RPS6KC1: variants seen among roughly 807,000 people sequenced by gnomAD.
RPS6KC1 encodes inactive ribosomal protein S6 kinase delta-1.
A neutral mutation model predicts 103.8 loss-of-function variants in RPS6KC1; 54 were observed. That is an observed-to-expected ratio of 0.52 (90% CI 0.42 to 0.65). The LOEUF is 0.65. RPS6KC1 is among the 30% of genes least tolerant of loss of function. The pLI, the probability that RPS6KC1 is intolerant of heterozygous loss-of-function variation, is 0.00. For missense variants in RPS6KC1, 1,151 were observed against 1,253.8 expected (o/e 0.92, Z 1.24); for synonymous variants, 439 against 438.7 (o/e 1.00, Z -0.01).
chr1:213,471,483 T>A, the RPS6KC1 span, among the ~76,000 whole-genome samples: 1 of 152,182 alleles, frequency 6.6e-6, no homozygotes, highest in Non-Finnish European at 1.5e-5. Flanking sequence ...TTGAGGTCAG[T>A]GGAAGGAGAA....
At chr1:213,513,234 A>G in the RPS6KC1 span, among the ~76,000 whole-genome samples, 3 of 152,158 alleles carry the variant, frequency 2.0e-5, no homozygotes, top group Non-Finnish European at 4.4e-5. Context: ...GGGGAAGAGC[A>G]AGGGAAAGAA....
intron 8 of RPS6KC1, among the ~76,000 whole-genome samples, chr1:213,198,428 C>T (rs546178007): frequency 6.6e-6 from 1 of 152,204 alleles, no homozygotes; most frequent in African/African-American, 2.4e-5. Flanking sequence ...GACTATGTGC[C>T]TTAGGTGATG....
chr1:213,325,795 T>C, the RPS6KC1 span, among the ~76,000 whole-genome samples: 1 of 152,220 alleles, frequency 6.6e-6, no homozygotes, highest in Non-Finnish European at 1.5e-5. Flanking sequence ...TGTGTCCTGC[T>C]CACAAACCTT....
rs753920620 is a variant in RPS6KC1 at position 213,051,393 on chromosome 1, G to A, written c.-12G>A. On this transcript the variant is annotated 5_prime_UTR_variant, in exon 1 of 15. Coordinates refer to ENST00000366960, the MANE Select transcript of RPS6KC1 (RefSeq NM_012424.6). ...CCGGGCGGGTGGCGGCGGCGGCAGA[G>A]GCGGCGGGAGGATGACCTCTTACCG... 8.7e-6 allele frequency: 14 copies of A among 1,604,228 alleles called. No homozygotes were observed. In the South Asian group the frequency reaches 1.3e-4, roughly 15 times the overall value.
the RPS6KC1 span, among the ~76,000 whole-genome samples, chr1:213,485,735 C>T: frequency 6.6e-6 from 1 of 152,114 alleles, no homozygotes; most frequent in Non-Finnish European, 1.5e-5. Flanking sequence ...CTATCAGAGT[C>T]TAGGGCAGCA....
the RPS6KC1 span, among the ~76,000 whole-genome samples, chr1:213,484,585 A>T: frequency 6.6e-6 from 1 of 152,188 alleles, no homozygotes; most frequent in Non-Finnish European, 1.5e-5. Context: ...TATCCACCAG[A>T]TACGTTATAC....
chr1:213,664,818 G>T, the RPS6KC1 span, among the ~76,000 whole-genome samples: 1 of 152,022 alleles, frequency 6.6e-6, no homozygotes, highest in South Asian at 2.1e-4. Context: ...GATTTTGATT[G>T]TTTTTAATGG....
At chr1:213,151,845 C>CA in intron 6 of RPS6KC1, among the ~76,000 whole-genome samples, 1 of 126,186 alleles carries the variant, frequency 7.9e-6, no homozygotes, top group Non-Finnish European at 1.7e-5. Flanking sequence ...CCCCCCACCT[C>CA]CCTCCCGGAC....
At chr1:213,135,118 A>G (rs1558390049) in intron 6 of RPS6KC1, among the ~76,000 whole-genome samples, 1 of 152,020 alleles carries the variant, frequency 6.6e-6, no homozygotes. Context: ...AGTTTTTTGT[A>G]TGTTCTCTTG....
At chr1:213,758,894 A>G in the RPS6KC1 span, among the ~76,000 whole-genome samples, 1 of 152,196 alleles carries the variant, frequency 6.6e-6, no homozygotes, top group Non-Finnish European at 1.5e-5. Flanking sequence ...AACATTGTTG[A>G]GCTGACAACA....
At chr1:213,660,147 G>T in the RPS6KC1 span, among the ~76,000 whole-genome samples, 1 of 152,178 alleles carries the variant, frequency 6.6e-6, no homozygotes, top group African/African-American at 2.4e-5. Context: ...AGCCCCTAAA[G>T]CTACCCTCTC....
At chr1:213,824,626 G>A in the RPS6KC1 span, among the ~76,000 whole-genome samples, 1 of 152,142 alleles carries the variant, frequency 6.6e-6, no homozygotes, top group Non-Finnish European at 1.5e-5. Flanking sequence ...CTTGTCCCAT[G>A]CTGTTCTCGT....
At chr1:213,796,016 T>G in the RPS6KC1 span, among the ~76,000 whole-genome samples, 1 of 152,168 alleles carries the variant, frequency 6.6e-6, no homozygotes, top group Admixed American at 6.5e-5. Flanking sequence ...AAAGCCGTGG[T>G]GAAAGAAGGT....
chr1:213,315,985 C>T, the RPS6KC1 span, among the ~76,000 whole-genome samples: 1 of 152,286 alleles, frequency 6.6e-6, no homozygotes, highest in African/African-American at 2.4e-5. Flanking sequence ...GATGGTATTA[C>T]TTCTTTATTC....
At chr1:213,521,485 C>T in the RPS6KC1 span, among the ~76,000 whole-genome samples, 7 of 152,182 alleles carry the variant, frequency 4.6e-5, no homozygotes, top group Middle Eastern at 3.4e-3. Flanking sequence ...GTGGCAACTT[C>T]GTAAGATAAG....
At chr1:213,776,198 G>A in the RPS6KC1 span, among the ~76,000 whole-genome samples, 1 of 152,054 alleles carries the variant, frequency 6.6e-6, no homozygotes. Flanking sequence ...TGAATCACGA[G>A]TGTTCTTAAT....
intron 8 of RPS6KC1, among the ~76,000 whole-genome samples, chr1:213,228,532 C>T (rs2094012538): frequency 6.6e-6 from 1 of 151,214 alleles, no homozygotes; most frequent in African/African-American, 2.4e-5. Flanking sequence ...CAAGATCAGC[C>T]TAGGCAATAT....
chr1:213,815,823 T>C, the RPS6KC1 span, among the ~76,000 whole-genome samples: 1 of 152,226 alleles, frequency 6.6e-6, no homozygotes, highest in Non-Finnish European at 1.5e-5. Flanking sequence ...CTTCTGTAAC[T>C]GGTGCAAGAG....
the RPS6KC1 span, among the ~76,000 whole-genome samples, chr1:213,328,601 A>G: frequency 6.8e-6 from 1 of 148,036 alleles, no homozygotes; most frequent in African/African-American, 2.5e-5. Flanking sequence ...AGGTGTGGGT[A>G]GGAACCACTG....
Sources: allele counts gnomAD v4.1 joint callset (sites outside exome capture counted in the v4.1 genomes callset), GRCh38; gene constraint gnomAD v4.1.1; transcripts MANE v1.5; gene names NCBI Gene and HGNC (gene_info 2026-07-23, HGNC 2026-07-21).